Variants in TNKS observed in about 807,000 individuals in gnomAD.
The protein encoded by TNKS is poly [ADP-ribose] polymerase tankyrase-1.
In TNKS, 72 loss-of-function variants were observed where a neutral mutation model predicts 135.8. The observed-to-expected ratio is 0.53, with a 90% CI of 0.44 to 0.64. TNKS has a LOEUF of 0.64. Ranked by LOEUF, TNKS falls within the 30% of genes least tolerant of loss-of-function variation. The pLI is 0.00. For missense variants in TNKS, 1,769 were observed against 1,674.0 expected, an observed-to-expected ratio of 1.06 and a Z score of -0.99; for synonymous variants, 849 against 649.3, an observed-to-expected ratio of 1.31 and a Z score of -4.68.
chr8:9,698,706 G>T (rs1474167996), intron 5 of TNKS, among the ~76,000 whole-genome samples: 4 of 152,118 alleles, frequency 2.6e-5, no homozygotes, highest in Admixed American at 2.0e-4. Context: ...TTTGCAAAAG[G>T]CTTATCAGTT....
At chr8:9,607,236 T>C (rs1024269923) in intron 2 of TNKS, among the ~76,000 whole-genome samples, 1 of 152,056 alleles carries the variant, frequency 6.6e-6, no homozygotes, top group African/African-American at 2.4e-5. Context: ...ATCCTAAGAG[T>C]GGAATCATTT....
intron 5 of TNKS, among the ~76,000 whole-genome samples, chr8:9,701,252 A>C (rs989563655): frequency 6.6e-6 from 1 of 152,130 alleles, no homozygotes; most frequent in Non-Finnish European, 1.5e-5. Flanking sequence ...TTTTAAATAA[A>C]CTGTAGGTTT....
intron 11 of TNKS, among the ~76,000 whole-genome samples, chr8:9,712,969 A>AAT (rs1804413053): frequency 6.6e-6 from 1 of 152,154 alleles, no homozygotes; most frequent in South Asian, 2.1e-4. Context: ...CTCTTTGTGT[A>AAT]AGTTTTATAA....
At chr8:9,637,246 G>T (rs1800547373) in intron 3 of TNKS, among the ~76,000 whole-genome samples, 1 of 152,124 alleles carries the variant, frequency 6.6e-6, no homozygotes, top group African/African-American at 2.4e-5. Context: ...TTGATTTGTG[G>T]ATTATCAGAA....
intron 3 of TNKS, among the ~76,000 whole-genome samples, chr8:9,679,343 T>G (rs1247664380): frequency 6.6e-6 from 1 of 152,212 alleles, no homozygotes; most frequent in Admixed American, 6.5e-5. Context: ...GAGCACCGCC[T>G]CCAAGAGGTT....
Position 9,736,447 on chromosome 8 carries a change from T to C in TNKS, c.2643+961T>C, listed in dbSNP as rs370620630. Among the ~76,000 whole-genome samples, 44 of 152,110 alleles carry C rather than the reference T, an allele frequency of 2.9e-4. 1 individual carries two copies. In the East Asian group the frequency reaches 3.3e-3, roughly 11 times the overall value. ...ACTAGCTAAAACCTCCAGGTGAAAG[T>C]CCAGAGTTTTGGACATGAAGTCCTT... On this transcript the variant is annotated intron_variant, in intron 17 of 26. Transcript: ENST00000310430.
chr8:9,657,983 C>T (rs1269481037), intron 3 of TNKS, among the ~76,000 whole-genome samples: 1 of 67,666 alleles, frequency 1.5e-5, no homozygotes, highest in Non-Finnish European at 3.0e-5. Flanking sequence ...CGGGCAGAGG[C>T]GCTCCTCACA....
At position 9,735,311 on chromosome 8, in the gene TNKS, T is replaced by C. The variant is rs529745729; in HGVS notation, c.2534-66T>C. On this transcript the variant is annotated intron_variant, in intron 16 of 26. Coordinates refer to ENST00000310430, the MANE Select transcript of TNKS (RefSeq NM_003747.3). ...AACCTTAACATTTTCTGGTCCTTAT[T>C]ACATATGTATGTATTTTTTTTCCTT... 1.5e-4 allele frequency: 217 copies of C among 1,426,304 alleles called. No homozygotes were observed. The African/African-American group carries it at 3.0e-3, about 20-fold the overall frequency. 88.4% of individuals were successfully genotyped at this position (1,426,304 alleles called of 1,614,324 possible).
At position 9,780,311 on chromosome 8, in the gene TNKS, A is replaced by G. The variant is rs1808403766; in HGVS notation, c.*3575A>G. 2.0e-5 allele frequency: 3 copies of G among 151,492 alleles called. No homozygotes were observed. Among genetic ancestry groups the G allele is most frequent in the Non-Finnish European group, 4.4e-5 (3 of 67,980 alleles). The allele number at this position is 151,492 out of a possible 1,614,324, so 9.4% of individuals were successfully genotyped here. A position where few individuals can be genotyped will look rare whatever the true frequency, so the allele number is the denominator to read the frequency against. On this transcript the variant is annotated 3_prime_UTR_variant, in exon 27 of 27. Transcript: ENST00000310430. Reference sequence around the variant, plus strand: ...ATTGTATCCGAATCCCTCTTGTGTGATATCTGTGACAAATAGCCTTCTTCT... The same window carrying G: ...ATTGTATCCGAATCCCTCTTGTGTGGTATCTGTGACAAATAGCCTTCTTCT...
rs183477502 is a variant in TNKS, at chr8:9,621,138, T to G, written c.994+5461T>G. 1.5e-3 allele frequency among the ~76,000 whole-genome samples: 224 copies of G among 152,298 alleles called. 1 individual carries two copies. The highest frequency in any genetic ancestry group is 5.0e-3 in the African/African-American group (208 of 41,578). On this transcript the variant is annotated intron_variant, in intron 3 of 26. Transcript: ENST00000310430. ...TCCTATACATTTCTTAAAACATAAG[T>G]GCATTTTAAAAATGTTTTAATTGGT...
At chr8:9,720,341 T>C (rs1804813445) in intron 11 of TNKS, 33 bp from the exon 12 acceptor site, 3 of 1,535,326 alleles carry the variant, frequency 2.0e-6, no homozygotes, top group Non-Finnish European at 2.6e-6. Context: ...AACAAGATGC[T>C]CAATTCCATG....
chr8:9,715,552 C>T (rs570382692), intron 11 of TNKS, among the ~76,000 whole-genome samples: 1 of 152,210 alleles, frequency 6.6e-6, no homozygotes, highest in East Asian at 1.9e-4. Flanking sequence ...CATCTCCTCC[C>T]AGTGCCCGTG....
At chr8:9,758,892 T>C (rs1806993682) in intron 20 of TNKS, among the ~76,000 whole-genome samples, 1 of 152,224 alleles carries the variant, frequency 6.6e-6, no homozygotes, top group Admixed American at 6.5e-5. Context: ...TCACGATCTC[T>C]CACAAGGCTA....
intron 3 of TNKS, among the ~76,000 whole-genome samples, chr8:9,652,098 T>C (rs924878351): frequency 2.6e-5 from 4 of 152,220 alleles, no homozygotes; most frequent in African/African-American, 9.6e-5. Flanking sequence ...TCATAGCTTT[T>C]TATAATTACT....
intron 3 of TNKS, among the ~76,000 whole-genome samples, chr8:9,622,778 T>C (rs773349640): frequency 2.6e-5 from 4 of 152,208 alleles, no homozygotes; most frequent in Admixed American, 6.5e-5. Context: ...ATCATCATAT[T>C]ATTATAATAA....
chr8:9,724,782 T>G (rs1805080525), intron 12 of TNKS, among the ~76,000 whole-genome samples: 1 of 152,228 alleles, frequency 6.6e-6, no homozygotes, highest in Admixed American at 6.5e-5. Flanking sequence ...TTTCTCATAG[T>G]TCCAGAAGCA....
chr8:9,660,694 T>C (rs1230712422), intron 3 of TNKS, among the ~76,000 whole-genome samples: 2 of 152,088 alleles, frequency 1.3e-5, no homozygotes, highest in African/African-American at 4.8e-5. Flanking sequence ...GGTTGCCCTC[T>C]CTCACCAGTC....
intron 24 of TNKS, among the ~76,000 whole-genome samples, 197 bp from the exon 25 acceptor site, chr8:9,766,042 T>G (rs1328838456): frequency 6.6e-6 from 1 of 152,214 alleles, no homozygotes; most frequent in Non-Finnish European, 1.5e-5. Context: ...AATTGCAAAT[T>G]GAGCCACCTA....
At chr8:9,624,141 TA>T (rs1014927995) in intron 3 of TNKS, among the ~76,000 whole-genome samples, 24 of 152,280 alleles carry the variant, frequency 1.6e-4, no homozygotes, top group Admixed American at 2.6e-4. Context: ...CTTACATCAT[TA>T]AAAAAAGTGA....
Sources: allele counts gnomAD v4.1 joint callset (sites outside exome capture counted in the v4.1 genomes callset), GRCh38; gene constraint gnomAD v4.1.1; transcripts MANE v1.5; gene names NCBI Gene and HGNC (gene_info 2026-07-23, HGNC 2026-07-21).